The following RTKN2 variants were observed in gnomAD, a reference collection of about 807,000 sequenced individuals.
RTKN2 encodes rhotekin-2.
Under a neutral mutation model 71.5 loss-of-function variants are expected in RTKN2, and 69 were observed. The ratio of observed to expected loss-of-function variants is 0.96; its 90% CI spans 0.79 to 1.18. The LOEUF (loss-of-function observed/expected upper bound fraction) is 1.18. Ranked by LOEUF, RTKN2 falls within the 50% of genes most tolerant of loss-of-function variation. RTKN2 has a pLI of 0.00. For missense variants in RTKN2, 724 were observed against 719.7 expected (o/e 1.01, Z -0.07); for synonymous variants, 236 against 236.5 (o/e 1.00, Z 0.02).
In RTKN2 at chr10:62,239,758, T is replaced by C. The variant is rs753475254; in HGVS notation, c.378A>G (p.Arg126=). ...SDHFSNKERS[R]RYAIFCLFKM... is the part of the protein sequence containing the mutation. ...TGAATAAACAAAAAATGGCATAGCG[T>C]CGTGATCCTGGAGGAAAAATAACAA... The change falls in exon 5 of 12, where the codon CGA becomes CGG. Residue 126 remains arginine, a synonymous_variant. Transcript: ENST00000373789. 2 of 1,555,604 alleles carry C rather than the reference T, an allele frequency of 1.3e-6. No homozygotes were observed. The highest frequency in any genetic ancestry group is 2.3e-5 in the South Asian group (2 of 86,346).
intron 9 of RTKN2, among the ~76,000 whole-genome samples, chr10:62,205,895 A>C (rs896291647): frequency 6.6e-6 from 1 of 152,160 alleles, no homozygotes; most frequent in African/African-American, 2.4e-5. Context: ...TCTATTACAC[A>C]AAGATAGAGA....
At chr10:62,206,839 T>A (rs993575101) in intron 9 of RTKN2, among the ~76,000 whole-genome samples, 2 of 151,962 alleles carry the variant, frequency 1.3e-5, no homozygotes, top group African/African-American at 4.8e-5. Flanking sequence ...TGTAACAAAT[T>A]TTGCCCTAAA....
At chr10:62,259,726 C>CT (rs758710632) in intron 2 of RTKN2, among the ~76,000 whole-genome samples, 2 of 151,848 alleles carry the variant, frequency 1.3e-5, no homozygotes, top group South Asian at 2.1e-4. Context: ...TAATTTTTGT[C>CT]TTTTTTGTAG....
At chr10:62,225,983 G>A (rs907475275) in intron 6 of RTKN2, among the ~76,000 whole-genome samples, 4 of 151,880 alleles carry the variant, frequency 2.6e-5, no homozygotes, top group Admixed American at 6.6e-5. Flanking sequence ...GGGTTTCACC[G>A]TGTTAGCCAG....
rs1275000712 is a variant in RTKN2, at chr10:62,218,224, C to T, written c.859G>A (p.Asp287Asn). ...LVAQPACMAEDAFAGFLNQQQ... is the reference protein window; with the variant it reads ...LVAQPACMAENAFAGFLNQQQ... ...TGATTAAGAAATCCTGCAAATGCAT[C>T]CTCAGCCATACAAGCTGGCTGGGCA... is the stretch of plus-strand genomic sequence containing the variant. The change falls in exon 8 of 12, where the codon GAT becomes AAT. Residue 287 changes from aspartate to asparagine, a missense_variant. Transcript: ENST00000373789. 1 of 1,613,074 alleles carries T rather than the reference C, an allele frequency of 6.2e-7. No individual in the cohort carries two copies. The highest frequency in any genetic ancestry group is 8.5e-7 in the Non-Finnish European group (1 of 1,179,428).
At chr10:62,232,717 T>A (rs1262659307) in intron 6 of RTKN2, among the ~76,000 whole-genome samples, 3 of 151,948 alleles carry the variant, frequency 2.0e-5, no homozygotes, top group Admixed American at 6.6e-5. Flanking sequence ...AACTGTGAAG[T>A]TTTAGCATGA....
chr10:62,221,838 G>A (rs369012269), intron 7 of RTKN2, among the ~76,000 whole-genome samples: 4 of 152,218 alleles, frequency 2.6e-5, no homozygotes, highest in East Asian at 3.9e-4. Flanking sequence ...GCAAATATCA[G>A]AATGGAAAAG....
At chr10:62,230,245 C>T (rs545989080) in intron 6 of RTKN2, among the ~76,000 whole-genome samples, 109 of 152,286 alleles carry the variant, frequency 7.2e-4, no homozygotes, top group African/African-American at 2.6e-3. Context: ...AATCTCAGCT[C>T]ACTGCAACCT....
At chr10:62,188,629 C>T (rs1589323238), downstream of RTKN2, among the ~76,000 whole-genome samples, 2 of 152,100 alleles carry the variant, frequency 1.3e-5, no homozygotes, top group African/African-American at 4.8e-5. Flanking sequence ...ATCAATCTTA[C>T]GTCTTTCGAG....
intron 1 of RTKN2, 98 bp downstream of exon 1, chr10:62,268,453 G>C (rs909119060): frequency 7.8e-5 from 88 of 1,126,518 alleles, no homozygotes; most frequent in Middle Eastern, 1.9e-4. Flanking sequence ...ATAGAGGAGC[G>C]GGGGAGAGGC....
At chr10:62,215,435 T>C (rs911060446) in intron 9 of RTKN2, among the ~76,000 whole-genome samples, 3 of 152,072 alleles carry the variant, frequency 2.0e-5, no homozygotes, top group Non-Finnish European at 2.9e-5. Flanking sequence ...AGATGCACTA[T>C]AGGATCCTTG....
intron 2 of RTKN2, among the ~76,000 whole-genome samples, chr10:62,262,424 C>T (rs1005554432): frequency 9.9e-5 from 15 of 152,162 alleles, no homozygotes. Flanking sequence ...ATATTGAACA[C>T]AACAGCCCAA....
Position 62,236,114 on chromosome 10 carries a change from A to T in RTKN2, c.638T>A (p.Leu213His). 6.2e-7 allele frequency: 1 copy of T among 1,612,992 alleles called. No individual in the cohort carries two copies. The highest frequency in any genetic ancestry group is 8.5e-7 in the Non-Finnish European group (1 of 1,179,338). ...GCACATTTCATCATCCTCTTCTTGA[A>T]GCACTGAACTTATTTTCTTTCCTGT... ...KATGKKISSV[L>H]QEEDDEMCLL... The change falls in exon 6 of 12, where the codon CTT (leucine) becomes CAT (histidine). Residue 213 changes from leucine to histidine, a missense_variant. Physicochemically the swap from Leu to His is moderately conservative, Grantham distance 99 (BLOSUM62 -3). Transcript: ENST00000373789.
chr10:62,227,486 G>T (rs914889454), intron 6 of RTKN2, among the ~76,000 whole-genome samples: 5 of 152,152 alleles, frequency 3.3e-5, no homozygotes, highest in African/African-American at 1.2e-4. Context: ...GACAAACAAG[G>T]AGGTCACTGT....
Position 62,236,144 on chromosome 10 carries a change from T to A in RTKN2, c.608A>T (p.Lys203Ile). 6.2e-7 allele frequency: 1 copy of A among 1,612,712 alleles called. No individual in the cohort carries two copies. Among genetic ancestry groups the A allele is most frequent in the Middle Eastern group, 1.7e-4 (1 of 6,028 alleles). ...LAKKLKTSIS[K>I]ATGKKISSVL... is the part of the protein sequence containing the mutation. ...TGAACTTATTTTCTTTCCTGTAGCT[T>A]TACTTATAGATGTCTTGAGTTTCTT... The change falls in exon 6 of 12, where the codon AAA becomes ATA. Residue 203 changes from lysine (K) to isoleucine (I), a missense_variant. Physicochemically the swap from Lys to Ile is moderately radical, Grantham distance 102 (BLOSUM62 -3). Transcript: ENST00000373789.
intron 10 of RTKN2, among the ~76,000 whole-genome samples, chr10:62,202,924 G>A (rs974531434): frequency 6.6e-6 from 1 of 152,184 alleles, no homozygotes; most frequent in African/African-American, 2.4e-5. Flanking sequence ...ACTTTGGGGG[G>A]CTGAGGTGGG....
chr10:62,250,394 A>G (rs1468838381), intron 2 of RTKN2, among the ~76,000 whole-genome samples: 2 of 152,248 alleles, frequency 1.3e-5, no homozygotes, highest in Non-Finnish European at 2.9e-5. Flanking sequence ...ACTAGTTTCA[A>G]ACATTAGTAT....
At chr10:62,221,135 C>T (rs1264859734) in intron 7 of RTKN2, among the ~76,000 whole-genome samples, 1 of 49,436 alleles carries the variant, frequency 2.0e-5, no homozygotes, top group Non-Finnish European at 3.9e-5. Context: ...TAAATAAGTA[C>T]TAAAAAAAAA....
rs1228030733 is a variant in RTKN2 at position 62,195,346 on chromosome 10, A to G, written c.*2562T>C. ...CATAAAAAGCTGAAGCAGCTTTCAT[A>G]TTACATGGCATATTTATTTGTCATA... On this transcript the variant is annotated 3_prime_UTR_variant, in exon 12 of 12. Transcript: ENST00000373789. 3.7e-5 allele frequency: 36 copies of G among 984,806 alleles called. No individual in the cohort carries two copies. Among genetic ancestry groups the G allele is most frequent in the Non-Finnish European group, 4.3e-5 (36 of 829,348 alleles). The allele number at this position is 984,806 out of a possible 1,614,324, so 61.0% of individuals were successfully genotyped here.
Sources: gnomAD v4.1 joint callset for allele counts (sites outside exome capture counted in the v4.1 genomes callset) on GRCh38, gnomAD v4.1.1 for gene constraint, MANE v1.5 for transcripts, NCBI Gene and HGNC (gene_info 2026-07-23, HGNC 2026-07-21) for gene names.